EREG: variants seen among roughly 807,000 people sequenced by gnomAD.
EREG encodes proepiregulin.
EREG carries 23 observed loss-of-function variants against 22.4 expected under a neutral mutation model. The ratio of observed to expected loss-of-function variants is 1.03; its 90% CI spans 0.74 to 1.46. The LOEUF (loss-of-function observed/expected upper bound fraction) is 1.46. Ranked by LOEUF, EREG falls within the 40% of genes most tolerant of loss-of-function variation. The pLI is 0.00. For synonymous variants in EREG, 100 were observed against 75.4 expected (o/e 1.33, Z -1.69); for missense variants, 226 against 205.9 (o/e 1.10, Z -0.60).
Position 74,382,768 on chromosome 4 carries a change from C to T in EREG, c.402C>T (p.Val134=), listed in dbSNP as rs1268592209. 1.2e-6 allele frequency: 2 copies of T among 1,613,224 alleles called. No homozygotes were observed. The highest frequency in any genetic ancestry group is 1.7e-6 in the Non-Finnish European group (2 of 1,179,622). Residue 134 remains valine, a synonymous_variant, in exon 4 of 5, where the codon GTC becomes GTT. Transcript: ENST00000244869. The stretch of plus-strand genomic sequence containing the variant: ...TTATTTTGTTTCTTATCACAGTCGT[C>T]GGTTCCACATATTATTTCTGCAGAT... ...ILIILFLITV[V]GSTYYFCRWY...
chr4:74,378,396 A>G (rs576026049), intron 1 of EREG, among the ~76,000 whole-genome samples: 12 of 152,314 alleles, frequency 7.9e-5, no homozygotes, highest in African/African-American at 2.6e-4. Flanking sequence ...TAGGGTGTAG[A>G]AAAAGCAAGC....
In EREG at chr4:74,374,963, C is replaced by G. The variant is rs1244795927; in HGVS notation, c.68-4485C>G. On this transcript the variant is annotated intron_variant, in intron 1 of 4. Transcript: ENST00000244869. ...TTTTGCAGCTGTATTGTAAAAGAAG[C>G]GCCAACTGCCAATTTTGAGTTTACA... Among the ~76,000 whole-genome samples the G allele has an allele frequency of 2.0e-5, 3 of 152,156 alleles. No individual in the cohort carries two copies. The East Asian group carries it at 5.8e-4, about 29-fold the overall frequency.
chr4:74,370,152 G>A (rs115752487), intron 1 of EREG, among the ~76,000 whole-genome samples: 245 of 152,238 alleles, frequency 1.6e-3, no homozygotes, highest in South Asian at 5.2e-3. Flanking sequence ...TGAAAAAGGA[G>A]CCACTTCCTT....
intron 1 of EREG, among the ~76,000 whole-genome samples, chr4:74,366,986 C>A (rs1319206018): frequency 6.6e-6 from 1 of 152,146 alleles, no homozygotes; most frequent in Admixed American, 6.5e-5. Context: ...CTTATTTTGG[C>A]AAGACCACCT....
intron 1 of EREG, among the ~76,000 whole-genome samples, chr4:74,365,645 A>T (rs1395418338): frequency 1.4e-5 from 2 of 148,030 alleles, no homozygotes; most frequent in Non-Finnish European, 3.0e-5. Context: ...ATTAAACAAA[A>T]TAAAAAGTTG....
chr4:74,374,015 C>T (rs1052738373), intron 1 of EREG, among the ~76,000 whole-genome samples: 65 of 152,086 alleles, frequency 4.3e-4, no homozygotes, highest in Admixed American at 3.5e-3. Context: ...TCACAGACTG[C>T]CATGGAAGAT....
rs1257821943 is a variant in EREG at position 74,379,503 on chromosome 4, A to T, written c.123A>T (p.Pro41=). 1 of 1,611,468 alleles carries T rather than the reference A, an allele frequency of 6.2e-7. No individual in the cohort carries two copies. ...LSTTVIPSCI[P]GESSDNCTAL... is the part of the protein sequence containing the mutation. ...CAACTGTGATTCCATCATGTATCCCAGGAGAGTCCAGTGATAACTGCACAG... is the reference window on the plus strand; with the variant it reads ...CAACTGTGATTCCATCATGTATCCCTGGAGAGTCCAGTGATAACTGCACAG... The change falls in exon 2 of 5, where the codon CCA becomes CCT. Residue 41 remains proline (P), a synonymous_variant. Coordinates refer to ENST00000244869, the MANE Select transcript of EREG (RefSeq NM_001432.3).
At chr4:74,381,381 C>A in intron 3 of EREG, 1 of 297,316 alleles carries the variant, frequency 3.4e-6, no homozygotes. Flanking sequence ...ACCATGTGTA[C>A]ACATTATTTA....
chr4:74,378,512 A>T (rs1307718322), intron 1 of EREG, among the ~76,000 whole-genome samples: 3 of 152,226 alleles, frequency 2.0e-5, no homozygotes, highest in Non-Finnish European at 4.4e-5. Context: ...TATTCCCCAA[A>T]GCAATTGCAA....
rs953825879 is a variant in EREG at position 74,386,084 on chromosome 4, C to T, written c.*1276C>T. On this transcript the variant is annotated 3_prime_UTR_variant, in exon 5 of 5. Coordinates refer to ENST00000244869, the MANE Select transcript of EREG (RefSeq NM_001432.3). ...GGAAGAGACAAAGATTTCTTCTGCA[C>T]TCTGAGCCCATAGGTCTCAGAGAGT... 1.5e-5 allele frequency: 5 copies of T among 331,098 alleles called. No individual in the cohort carries two copies. Among genetic ancestry groups the T allele is most frequent in the African/African-American group, 8.4e-5 (4 of 47,386 alleles). 20.5% of individuals were successfully genotyped at this position (331,098 alleles called of 1,614,324 possible).
At chr4:74,373,535 A>C (rs540572454) in intron 1 of EREG, among the ~76,000 whole-genome samples, 2 of 151,128 alleles carry the variant, frequency 1.3e-5, no homozygotes, top group Non-Finnish European at 3.0e-5. Flanking sequence ...CAAAGCTAAC[A>C]TTAAAAATAT....
rs996383098 is a variant in EREG at position 74,384,977 on chromosome 4, C to T, written c.*169C>T. On this transcript the variant is annotated 3_prime_UTR_variant, in exon 5 of 5. Coordinates refer to ENST00000244869, the MANE Select transcript of EREG (RefSeq NM_001432.3). ...TGTTTTATTTTTGACAGACTATTTG[C>T]TAATGTATAATGTGCAGAAAATATT... 2.0e-6 allele frequency: 1 copy of T among 498,486 alleles called. No homozygotes were observed. 30.9% of individuals were successfully genotyped at this position (498,486 alleles called of 1,614,324 possible).
chr4:74,382,345 A>G (rs530470075), intron 3 of EREG: 3 of 231,552 alleles, frequency 1.3e-5, no homozygotes, highest in Non-Finnish European at 2.5e-5. Flanking sequence ...AATTGATTCC[A>G]CTGATTTAGA....
intron 3 of EREG, 179 bp downstream of exon 3, chr4:74,381,316 C>T (rs1489127724): frequency 1.5e-5 from 8 of 532,386 alleles, no homozygotes; most frequent in Admixed American, 3.5e-5. Flanking sequence ...CCTTAACCCC[C>T]CCAAAACTCT....
intron 1 of EREG, among the ~76,000 whole-genome samples, chr4:74,376,634 T>C (rs907282750): frequency 3.3e-5 from 5 of 152,214 alleles, no homozygotes; most frequent in Non-Finnish European, 2.9e-5. Flanking sequence ...TTTTTTGTAG[T>C]TCCACAAGAG....
At chr4:74,376,086 C>T (rs1752377949) in intron 1 of EREG, among the ~76,000 whole-genome samples, 1 of 152,124 alleles carries the variant, frequency 6.6e-6, no homozygotes, top group Non-Finnish European at 1.5e-5. Context: ...CACCTGTGGC[C>T]TGAACAACTG....
intron 1 of EREG, among the ~76,000 whole-genome samples, chr4:74,377,844 C>T (rs1270263251): frequency 6.6e-6 from 1 of 152,072 alleles, no homozygotes; most frequent in African/African-American, 2.4e-5. Flanking sequence ...CAGGAAACTA[C>T]CCGCATTGAT....
chr4:74,367,772 T>G (rs1194651054), intron 1 of EREG, among the ~76,000 whole-genome samples: 3 of 152,172 alleles, frequency 2.0e-5, no homozygotes, highest in Non-Finnish European at 4.4e-5. Flanking sequence ...ATGACAGGCC[T>G]TTCCTGTCTG....
At chr4:74,372,787 T>G (rs2110384780) in intron 1 of EREG, among the ~76,000 whole-genome samples, 1 of 148,564 alleles carries the variant, frequency 6.7e-6, no homozygotes, top group Non-Finnish European at 1.5e-5. Context: ...ACACTCAGAT[T>G]AATTTAAATT....
Sources: allele counts gnomAD v4.1 joint callset (sites outside exome capture counted in the v4.1 genomes callset), GRCh38; gene constraint gnomAD v4.1.1; transcripts MANE v1.5; gene names NCBI Gene and HGNC (gene_info 2026-07-23, HGNC 2026-07-21).